The following LY86 variants were observed in gnomAD, a reference collection of about 807,000 sequenced individuals.
LY86 encodes lymphocyte antigen 86.
In LY86, 20 loss-of-function variants were observed where a neutral mutation model predicts 17.3. That is an observed-to-expected ratio of 1.15 (90% CI 0.81 to 1.68). The LOEUF (loss-of-function observed/expected upper bound fraction) is 1.68. Among genes scored for constraint, LY86 ranks in the 40% most tolerant of loss-of-function variants. The probability of loss-of-function intolerance (pLI) is 0.00; values close to 1 mark genes in which losing one functional copy is unlikely to be tolerated. For missense variants in LY86, 200 were observed against 191.9 expected (o/e 1.04, Z -0.25); for synonymous variants, 74 against 70.6 (o/e 1.05, Z -0.24).
At chr6:6,605,544 G>A (rs985544735) in intron 1 of LY86, among the ~76,000 whole-genome samples, 24 of 152,238 alleles carry the variant, frequency 1.6e-4, no homozygotes, top group Non-Finnish European at 2.9e-4. Flanking sequence ...CCCATAACAT[G>A]GCAACGTGCT....
At chr6:6,605,312 T>C (rs1339952276) in intron 1 of LY86, among the ~76,000 whole-genome samples, 2 of 152,118 alleles carry the variant, frequency 1.3e-5, no homozygotes, top group South Asian at 4.2e-4. Context: ...AATTTGGGTG[T>C]GGTTTAGTTG....
chr6:6,593,422 A>T (rs542833917), intron 1 of LY86, among the ~76,000 whole-genome samples: 112 of 152,316 alleles, frequency 7.4e-4, no homozygotes, highest in Admixed American at 3.7e-3. Context: ...GCCAAGTAAG[A>T]TAAGATTCAC....
intron 1 of LY86, among the ~76,000 whole-genome samples, chr6:6,611,868 A>G (rs948361836): frequency 4.6e-5 from 7 of 151,846 alleles, no homozygotes; most frequent in Admixed American, 1.3e-4. Context: ...CTCTCCTTCC[A>G]TTTTTTCTGC....
At position 6,621,033 on chromosome 6, in the gene LY86, C is replaced by T. The variant is rs1581245540; in HGVS notation, c.137-3893C>T. The T allele has an allele frequency of 2.0e-5, 3 of 152,326 alleles. No homozygotes were observed. The East Asian group carries it at 5.8e-4, about 29-fold the overall frequency. The allele number at this position is 152,326 out of a possible 1,614,324, so 9.4% of individuals were successfully genotyped here. On this transcript the variant is annotated intron_variant, in intron 1 of 4. Coordinates refer to ENST00000230568, the MANE Select transcript of LY86 (RefSeq NM_004271.4). ...CAGTTTGGGGTGTGCTGGATTCACC[C>T]ACTATAATGCTGTCCTCCCTTGGGT...
intron 4 of LY86, among the ~76,000 whole-genome samples, chr6:6,652,279 C>T (rs1048238412): frequency 4.1e-4 from 63 of 152,138 alleles, no homozygotes; most frequent in African/African-American, 1.5e-3. Context: ...GCAGGTCAGC[C>T]GTGGCTGGCC....
Position 6,654,864 on chromosome 6 carries a change from G to C in LY86, c.*237G>C, listed in dbSNP as rs1391415768. On this transcript the variant is annotated 3_prime_UTR_variant, in exon 5 of 5. Coordinates refer to ENST00000230568, the MANE Select transcript of LY86 (RefSeq NM_004271.4). ...TAAGGAGCCTCTTGGCAGTCCTTAA[G>C]CAGTCTTGAGGGTCCATCCTTTTTC... 5.9e-6 allele frequency: 3 copies of C among 511,146 alleles called. No individual in the cohort carries two copies. The highest frequency in any genetic ancestry group is 5.8e-5 in the African/African-American group (3 of 51,708). 31.7% of individuals were successfully genotyped at this position (511,146 alleles called of 1,614,324 possible).
intron 1 of LY86, among the ~76,000 whole-genome samples, chr6:6,604,838 G>A (rs200618973): frequency 5.8e-4 from 85 of 146,616 alleles, no homozygotes; most frequent in South Asian, 1.1e-3. Flanking sequence ...ACCACCAAAG[G>A]AAAAAAAAAA....
intron 3 of LY86, among the ~76,000 whole-genome samples, chr6:6,638,994 C>G (rs528803855): frequency 1.4e-4 from 21 of 152,156 alleles, no homozygotes; most frequent in African/African-American, 4.6e-4. Context: ...TATTGCGGCA[C>G]TATTCACAAT....
intron 1 of LY86, among the ~76,000 whole-genome samples, chr6:6,611,030 G>A (rs950028252): frequency 2.6e-5 from 4 of 152,186 alleles, no homozygotes; most frequent in Non-Finnish European, 5.9e-5. Context: ...TTTTTCCACT[G>A]TCCTTCCAGG....
At chr6:6,610,348 T>A (rs1464812364) in intron 1 of LY86, among the ~76,000 whole-genome samples, 1 of 152,140 alleles carries the variant, frequency 6.6e-6, no homozygotes, top group South Asian at 2.1e-4. Flanking sequence ...TTTAAAAAAA[T>A]GGCCTGAAGC....
intron 1 of LY86, among the ~76,000 whole-genome samples, chr6:6,613,805 A>G (rs867868290): frequency 6.6e-6 from 1 of 152,192 alleles, no homozygotes; most frequent in African/African-American, 2.4e-5. Context: ...ACCTCTCAAT[A>G]GGGCCCCTTA....
intron 1 of LY86, among the ~76,000 whole-genome samples, chr6:6,604,297 T>A (rs1379630181): frequency 2.0e-5 from 3 of 152,126 alleles, no homozygotes; most frequent in Non-Finnish European, 4.4e-5. Flanking sequence ...GATATTAGAT[T>A]TTAGAAATAA....
At chr6:6,650,175 A>C (rs1212238976) in intron 4 of LY86, among the ~76,000 whole-genome samples, 1 of 152,184 alleles carries the variant, frequency 6.6e-6, no homozygotes, top group Non-Finnish European at 1.5e-5. Flanking sequence ...CACTAAGTCA[A>C]TAAAATGCCC....
intron 1 of LY86, among the ~76,000 whole-genome samples, chr6:6,612,121 T>C (rs762926110): frequency 2.0e-5 from 3 of 152,212 alleles, no homozygotes; most frequent in Non-Finnish European, 2.9e-5. Flanking sequence ...TTTCCAAAAA[T>C]CAGCTCAACA....
At chr6:6,602,470 A>G (rs1205369631) in intron 1 of LY86, among the ~76,000 whole-genome samples, 2 of 152,222 alleles carry the variant, frequency 1.3e-5, no homozygotes, top group Non-Finnish European at 2.9e-5. Context: ...CATAGTCCAT[A>G]CTCAATGTGA....
chr6:6,610,376 C>T (rs7740529), intron 1 of LY86, among the ~76,000 whole-genome samples: 38,582 of 152,096 alleles, frequency 0.25, 7,672 homozygotes, highest in African/African-American at 0.55. Context: ...CCTGAGGCTA[C>T]GCATCTCCCT....
chr6:6,637,640 A>T (rs768222917), intron 3 of LY86, among the ~76,000 whole-genome samples: 7 of 152,168 alleles, frequency 4.6e-5, no homozygotes, highest in African/African-American at 1.7e-4. Context: ...TGGATCCCAG[A>T]GCTGCTGGTA....
intron 4 of LY86, among the ~76,000 whole-genome samples, chr6:6,653,776 T>C (rs3765281): frequency 0.39 from 58,733 of 152,094 alleles, 11,899 homozygotes; most frequent in East Asian, 0.5. Context: ...TTTAACCCAT[T>C]TCTTTCTCTC....
At chr6:6,608,602 T>C (rs1176062744) in intron 1 of LY86, among the ~76,000 whole-genome samples, 3 of 152,250 alleles carry the variant, frequency 2.0e-5, no homozygotes, top group Non-Finnish European at 4.4e-5. Context: ...GACTAATTGC[T>C]CTAGTTGTAT....
Sources: allele counts gnomAD v4.1 joint callset (sites outside exome capture counted in the v4.1 genomes callset), GRCh38; gene constraint gnomAD v4.1.1; transcripts MANE v1.5; gene names NCBI Gene and HGNC (gene_info 2026-07-23, HGNC 2026-07-21).